OSBPL5: variants seen among roughly 807,000 people sequenced by gnomAD.
OSBPL5 encodes the protein oxysterol-binding protein-related protein 5.
A neutral mutation model predicts 111.2 loss-of-function variants in OSBPL5; 71 were observed. The observed-to-expected ratio is 0.64, with a 90% confidence interval of 0.53 to 0.78. OSBPL5 has a LOEUF of 0.78. Ranked by LOEUF, OSBPL5 falls within the 30% of genes least tolerant of loss-of-function variation. The pLI, the probability that OSBPL5 is intolerant of heterozygous loss-of-function variation, is 0.00. For synonymous variants in OSBPL5, 549 were observed against 513.9 expected, an observed-to-expected ratio of 1.07 and a Z score of -0.93; for missense variants, 1,210 against 1,189.3, an observed-to-expected ratio of 1.02 and a Z score of -0.26.
Position 3,129,142 on chromosome 11 carries a change from C to T in OSBPL5, c.7G>A (p.Glu3Lys). Residue 3 changes from glutamate to lysine, a missense_variant, in exon 2 of 22, where the codon GAG (glutamate) becomes AAG (lysine). By Grantham distance (56) the Glu-to-Lys change is moderately conservative. Transcript: ENST00000263650. ...AAGCGGCGCCGGAGGAAGGCCTCCT[C>T]CTTCATGCTGTGGGCGCTCGGGGGC... is the stretch of plus-strand genomic sequence containing the variant. MK[E>K]EAFLRRRFSL... 6.8e-7 allele frequency: 1 copy of T among 1,461,172 alleles called. No homozygotes were observed. Among genetic ancestry groups the T allele is most frequent in the Non-Finnish European group, 9.1e-7 (1 of 1,100,104 alleles). 90.5% of individuals were successfully genotyped at this position (1,461,172 alleles called of 1,614,324 possible). A position where few individuals can be genotyped will look rare whatever the true frequency, so the allele number is the denominator to read the frequency against.
intron 15 of OSBPL5, 147 bp from the exon 16 acceptor site, chr11:3,093,982 G>A (rs560151218): frequency 3.0e-4 from 308 of 1,011,136 alleles, no homozygotes; most frequent in Non-Finnish European, 4.2e-4. Context: ...CGAGGCCTTC[G>A]GGACCCCCAC....
At chr11:3,139,991 C>T (rs909379324) in intron 1 of OSBPL5, among the ~76,000 whole-genome samples, 4 of 152,240 alleles carry the variant, frequency 2.6e-5, no homozygotes, top group Admixed American at 6.5e-5. Context: ...GCCCCCCCTG[C>T]TCTGAGAAGC....
intron 1 of OSBPL5, among the ~76,000 whole-genome samples, chr11:3,150,087 T>C (rs1846526593): frequency 6.6e-6 from 1 of 152,174 alleles, no homozygotes. Flanking sequence ...ATCAGGATGC[T>C]GAAGCCAACC....
At position 3,162,058 on chromosome 11, in the gene OSBPL5, G is replaced by A. The variant is rs904473188; in HGVS notation, c.-22+3158C>T. On this transcript the variant is annotated intron_variant, in intron 1 of 21. Transcript: ENST00000263650. The surrounding 1 kb of genome is among the most constrained non-coding windows in gnomAD (Gnocchi z 8.1). ...TAGGGCCTGTGGGGTCTGGAAAGGG[G>A]TCAGGACTTACTGAGACCCATGGCA... Among the ~76,000 whole-genome samples, 2 of 152,146 alleles carry A rather than the reference G, an allele frequency of 1.3e-5. No individual in the cohort carries two copies. Among genetic ancestry groups the A allele is most frequent in the African/African-American group, 4.8e-5 (2 of 41,426 alleles).
At chr11:3,122,218 T>G in intron 4 of OSBPL5, 120 bp from the exon 5 acceptor site, 1 of 1,316,542 alleles carries the variant, frequency 7.6e-7, no homozygotes, top group East Asian at 2.5e-5. Context: ...TAGGAGGAAG[T>G]AGGGGGTGTG....
rs1308798295 is a variant in OSBPL5 at position 3,146,220 on chromosome 11, A to G, written c.-21-17051T>C. 6.6e-6 allele frequency: 1 copy of G among 152,186 alleles called. No homozygotes were observed. The highest frequency in any genetic ancestry group is 6.5e-5 in the Admixed American group (1 of 15,286). The allele number at this position is 152,186 out of a possible 1,614,324, so 9.4% of individuals were successfully genotyped here. A position where few individuals can be genotyped will look rare whatever the true frequency, so the allele number is the denominator to read the frequency against. On this transcript the variant is annotated intron_variant, in intron 1 of 21. Coordinates refer to ENST00000263650, the MANE Select transcript of OSBPL5 (RefSeq NM_020896.4). This position sits in a 1 kb window ranked among gnomAD's most constrained non-coding sequence, Gnocchi z 7.8. ...GCGGGCAGACCAGCGAGACAGACAC[A>G]CTGCCCTTATGAGCTGCGCCCCCAC...
rs971152737 is a variant in OSBPL5, at chr11:3,088,070, T to G, written c.*135A>C. 1 of 838,724 alleles carries G rather than the reference T, an allele frequency of 1.2e-6. No individual in the cohort carries two copies. Among genetic ancestry groups the G allele is most frequent in the South Asian group, 2.4e-5 (1 of 41,666 alleles). 52.0% of individuals were successfully genotyped at this position (838,724 alleles called of 1,614,324 possible). Reference sequence around the variant, plus strand: ...GCCCGCAGCGCCTTGTGGCCCCGGGTCCCTCCTGCGCCTGGACTCCCCGTC... The same window carrying G: ...GCCCGCAGCGCCTTGTGGCCCCGGGGCCCTCCTGCGCCTGGACTCCCCGTC... On this transcript the variant is annotated 3_prime_UTR_variant, in exon 22 of 22. Transcript: ENST00000263650.
chr11:3,097,414 C>T (rs1421683994), intron 14 of OSBPL5, among the ~76,000 whole-genome samples: 1 of 152,188 alleles, frequency 6.6e-6, no homozygotes, highest in Admixed American at 6.5e-5. Context: ...AACCCCAGAA[C>T]TCTCCATGAA....
At chr11:3,129,506 C>T (rs1476450718) in intron 1 of OSBPL5, among the ~76,000 whole-genome samples, 2 of 152,200 alleles carry the variant, frequency 1.3e-5, no homozygotes, top group South Asian at 4.1e-4. Context: ...GGCAGACCCA[C>T]GTGTAGACAC....
At chr11:3,164,781 T>C (rs1193764969) in intron 1 of OSBPL5, among the ~76,000 whole-genome samples, 1 of 152,142 alleles carries the variant, frequency 6.6e-6, no homozygotes, top group African/African-American at 2.4e-5. Flanking sequence ...CCTGGCTCCT[T>C]GGAGCCCGCG....
intron 1 of OSBPL5, among the ~76,000 whole-genome samples, chr11:3,151,238 T>C (rs1230746483): frequency 6.6e-6 from 1 of 152,178 alleles, no homozygotes; most frequent in Non-Finnish European, 1.5e-5. Context: ...CTGCCGGCAC[T>C]GGGATTTCAG....
chr11:3,103,822 AG>A lies in OSBPL5; in HGVS notation c.1244+370del, dbSNP rs1400577523. On this transcript the variant is annotated intron_variant, in intron 10 of 21. Transcript: ENST00000263650. ...TCTGCAGCCCTCTTCCTGCCTGCGC[AG>A]CCCCCTTCCAGCCTCTGCAGCCCCT... 1.7e-3 allele frequency among the ~76,000 whole-genome samples: 74 copies of A among 43,824 alleles called. 2 individuals are homozygous for A. The highest frequency in any genetic ancestry group is 4.3e-3 in the East Asian group (2 of 470). The allele number at this position is 43,824 out of a possible 152,430, so 28.8% of individuals were successfully genotyped here.
chr11:3,110,579 T>C lies in OSBPL5; in HGVS notation c.692-2634A>G, dbSNP rs1857888885. Among the ~76,000 whole-genome samples, 1 of 152,176 alleles carries C rather than the reference T, an allele frequency of 6.6e-6. No homozygotes were observed. The highest frequency in any genetic ancestry group is 6.6e-5 in the Admixed American group (1 of 15,264). On this transcript the variant is annotated intron_variant, in intron 7 of 21. Transcript: ENST00000263650. This position sits in a 1 kb window ranked among gnomAD's most constrained non-coding sequence, Gnocchi z 5.3. ...GGTGCCTGGTGTGAAAGGAAAATCT[T>C]GGGCCCCTCAAATCACTAAGCTAAA...
intron 1 of OSBPL5, among the ~76,000 whole-genome samples, chr11:3,147,522 G>C (rs1846397203): frequency 6.6e-6 from 1 of 152,264 alleles, no homozygotes; most frequent in Admixed American, 6.5e-5. Flanking sequence ...GCCCAGCTGG[G>C]ACGGAGCAAC....
intron 5 of OSBPL5, 50 bp from the exon 6 acceptor site, chr11:3,120,674 C>T (rs1461299812): frequency 1.3e-6 from 2 of 1,592,768 alleles, no homozygotes; most frequent in African/African-American, 2.7e-5. Context: ...GCCGCCATCC[C>T]TGGGGCATCT....
At chr11:3,145,455 C>G (rs1846309632) in intron 1 of OSBPL5, among the ~76,000 whole-genome samples, 1 of 152,198 alleles carries the variant, frequency 6.6e-6, no homozygotes, top group Non-Finnish European at 1.5e-5. Context: ...CCCACTGCCC[C>G]ACAGCCTCCA....
rs1337252491 is a variant in OSBPL5, at chr11:3,103,686, A to T, written c.1245-366T>A. Among the ~76,000 whole-genome samples the T allele has an allele frequency of 2.7e-3, 330 of 121,210 alleles. 3 individuals are homozygous for T. Among genetic ancestry groups the T allele is most frequent in the Non-Finnish European group, 4.2e-3 (247 of 58,824 alleles). 79.5% of individuals were successfully genotyped at this position (121,210 alleles called of 152,430 possible). ...TCTGTTGCCCCCTTCCAGTCTCTGCAGCCCCCTTCCAGCCTGCGTACCCCC... is the reference window on the plus strand; with the variant it reads ...TCTGTTGCCCCCTTCCAGTCTCTGCTGCCCCCTTCCAGCCTGCGTACCCCC... On this transcript the variant is annotated intron_variant, in intron 10 of 21. Coordinates refer to ENST00000263650, the MANE Select transcript of OSBPL5 (RefSeq NM_020896.4).
At chr11:3,144,312 G>C (rs774139905) in intron 1 of OSBPL5, among the ~76,000 whole-genome samples, 11 of 152,196 alleles carry the variant, frequency 7.2e-5, no homozygotes, top group Non-Finnish European at 1.0e-4. Context: ...AAGGAGCAGT[G>C]TGAGGTGCCC....
At position 3,120,516 on chromosome 11, in the gene OSBPL5, G is replaced by C; in HGVS notation, c.511C>G (p.Leu171Val). ...KVGQWVGTVLLHCCELIERPS... is the reference protein window; with the variant it reads ...KVGQWVGTVLVHCCELIERPS... The stretch of plus-strand genomic sequence containing the variant: ...CGCTCGATGAGCTCGCAGCAGTGCA[G>C]CAGCACCGTGCCCACCCACTGGCCC... The change falls in exon 6 of 22, where the codon CTG (leucine) becomes GTG (valine). Residue 171 changes from leucine (L) to valine (V), a missense_variant. By Grantham distance (32) the Leu-to-Val change is conservative. Coordinates refer to ENST00000263650, the MANE Select transcript of OSBPL5 (RefSeq NM_020896.4). 6.2e-7 allele frequency: 1 copy of C among 1,613,284 alleles called. No homozygotes were observed. The highest frequency in any genetic ancestry group is 1.1e-5 in the South Asian group (1 of 91,086).
Sources: gnomAD v4.1 joint callset for allele counts (sites outside exome capture counted in the v4.1 genomes callset) on GRCh38, gnomAD v4.1.1 for gene constraint, Gnocchi (gnomAD v3.1) non-coding constraint, MANE v1.5 for transcripts, NCBI Gene and HGNC (gene_info 2026-07-23, HGNC 2026-07-21) for gene names.